Variants in DOCK7 observed in about 807,000 individuals in gnomAD.
DOCK7 encodes dedicator of cytokinesis 7, also known as dedicator of cytokinesis protein 7.
Under a neutral mutation model 271.0 loss-of-function variants are expected in DOCK7, and 138 were observed. That is an observed-to-expected ratio of 0.51 (90% confidence interval 0.44 to 0.59). The LOEUF (loss-of-function observed/expected upper bound fraction) is 0.59, where lower values mean the gene tolerates loss of function less well. Among genes scored for constraint, DOCK7 ranks in the 20% least tolerant of loss-of-function variants. The pLI is 0.00. For missense variants in DOCK7, 2,066 were observed against 2,592.4 expected (o/e 0.80, Z 4.41); for synonymous variants, 823 against 876.1 (o/e 0.94, Z 1.07).
intron 43 of DOCK7, chr1:62,485,514 C>T: frequency 1.0e-6 from 1 of 985,360 alleles, no homozygotes; most frequent in African/African-American, 1.7e-5. Context: ...CTACAATGCA[C>T]AGATTATCCT....
chr1:62,579,037 G>T (rs1571625338), intron 16 of DOCK7, 71 bp from the exon 17 acceptor site: 2 of 1,302,420 alleles, frequency 1.5e-6, no homozygotes, highest in South Asian at 2.2e-5. Flanking sequence ...TTGTATATTT[G>T]AATAATTTTA....
chr1:62,516,391 C>A (rs1391979968), intron 31 of DOCK7, among the ~76,000 whole-genome samples: 1 of 152,148 alleles, frequency 6.6e-6, no homozygotes, highest in East Asian at 1.9e-4. Flanking sequence ...ATTTGAGGGA[C>A]TATTTTCCCC....
intron 18 of DOCK7, among the ~76,000 whole-genome samples, chr1:62,575,774 A>C (rs1297949863): frequency 1.3e-5 from 2 of 152,178 alleles, no homozygotes; most frequent in African/African-American, 2.4e-5. Flanking sequence ...CCAAATTATC[A>C]CCATATTCTT....
chr1:62,557,421 A>G (rs965090961), intron 20 of DOCK7, among the ~76,000 whole-genome samples: 16 of 151,554 alleles, frequency 1.1e-4, no homozygotes, highest in African/African-American at 3.6e-4. Context: ...GCACATAAAC[A>G]TGCTAAAATG....
chr1:62,510,796 C>T, intron 33 of DOCK7, 123 bp from the exon 34 acceptor site: 1 of 681,104 alleles, frequency 1.5e-6, no homozygotes, highest in Non-Finnish European at 2.3e-6. Flanking sequence ...ATCCTCAGTA[C>T]AAGTTGAAAA....
intron 1 of DOCK7, among the ~76,000 whole-genome samples, chr1:62,682,109 C>T (rs969063595): frequency 8.0e-5 from 12 of 150,646 alleles, no homozygotes; most frequent in African/African-American, 2.9e-4. Context: ...TGTGGAGGTA[C>T]AGTGAAAACA....
intron 4 of DOCK7, among the ~76,000 whole-genome samples, chr1:62,650,257 A>AACTCT (rs1298145459): frequency 6.6e-6 from 1 of 152,134 alleles, no homozygotes; most frequent in African/African-American, 2.4e-5. Context: ...CTAGAATATA[A>AACTCT]ACTCCATGAG....
At position 62,539,630 on chromosome 1, in the gene DOCK7, G is replaced by A. The variant is rs755924053; in HGVS notation, c.3215C>T (p.Thr1072Ile). 1.2e-6 allele frequency: 2 copies of A among 1,613,838 alleles called. No individual in the cohort carries two copies. The highest frequency in any genetic ancestry group is 1.7e-6 in the Non-Finnish European group (2 of 1,179,892). Reference sequence around the variant, plus strand: ...ATCATTGAGAAAGAATGCAAGGCTTGTATTGAGTCTCTCAACCATTTCTGT... The same window carrying A: ...ATCATTGAGAAAGAATGCAAGGCTTATATTGAGTCTCTCAACCATTTCTGT... The part of the protein sequence containing the change: ...KDTEMVERLN[T>I]SLAFFLNDLL... The change falls in exon 27 of 50, where the codon ACA (threonine) becomes ATA (isoleucine). Residue 1072 changes from threonine to isoleucine, a missense_variant. Coordinates refer to ENST00000635253, the MANE Select transcript of DOCK7 (RefSeq NM_001367561.1).
intron 20 of DOCK7, among the ~76,000 whole-genome samples, chr1:62,557,580 G>C (rs886582681): frequency 2.8e-5 from 4 of 145,082 alleles, no homozygotes; most frequent in African/African-American, 7.7e-5. Context: ...TAAAATTACT[G>C]ATGTAATTTC....
intron 2 of DOCK7, among the ~76,000 whole-genome samples, chr1:62,654,486 T>C (rs17387962): frequency 0.035 from 5,401 of 152,272 alleles, 187 homozygotes; most frequent in Admixed American, 0.1. Context: ...TTTGCTTTTT[T>C]ATATCTTTGG....
rs1645949558 is a variant in DOCK7, at chr1:62,552,740, C to T, written c.2758G>A (p.Gly920Arg). ...SPDDEVRSII[G>R]SKGLDRSNSW... ...GCATGTCTTCAGTTTACCTTACTCC[C>T]GATGATTGATCGAACTTCATCATCT... The change falls in exon 22 of 50, where the codon GGG (glycine) becomes AGG (arginine). Residue 920 changes from glycine (G) to arginine (R), a missense_variant. Around this residue, in one of 2 missense-constraint regions of DOCK7, gnomAD observed 1,414 missense variants for 1,670.4 expected, o/e 0.85. Coordinates refer to ENST00000635253, the MANE Select transcript of DOCK7 (RefSeq NM_001367561.1). The T allele has an allele frequency of 8.1e-6, 13 of 1,610,408 alleles. No homozygotes were observed. The highest frequency in any genetic ancestry group is 1.1e-5 in the Non-Finnish European group (13 of 1,177,932).
intron 1 of DOCK7, among the ~76,000 whole-genome samples, chr1:62,671,452 C>T (rs1299615193): frequency 6.6e-6 from 1 of 152,128 alleles, no homozygotes; most frequent in Non-Finnish European, 1.5e-5. Context: ...GTTATATCCT[C>T]AAAGTCTAAG....
At chr1:62,623,666 T>C (rs940954480) in intron 12 of DOCK7, among the ~76,000 whole-genome samples, 2 of 152,242 alleles carry the variant, frequency 1.3e-5, no homozygotes, top group African/African-American at 2.4e-5. Context: ...TGCAAGGTTG[T>C]GTCACTGTAG....
chr1:62,456,249 T>C (rs1344828413), intron 49 of DOCK7, among the ~76,000 whole-genome samples: 1 of 152,336 alleles, frequency 6.6e-6, no homozygotes, highest in East Asian at 1.9e-4. Context: ...GGATCCCTAC[T>C]GCAAATATTC....
chr1:62,589,647 G>C (rs1266976958), intron 14 of DOCK7, among the ~76,000 whole-genome samples: 1 of 151,332 alleles, frequency 6.6e-6, no homozygotes, highest in Non-Finnish European at 1.5e-5. Flanking sequence ...AAAGTATCCA[G>C]ACTTCATACT....
chr1:62,515,435 C>T lies in DOCK7; in HGVS notation c.3937-1537G>A, dbSNP rs1330788215. 4.6e-5 allele frequency among the ~76,000 whole-genome samples: 7 copies of T among 152,274 alleles called. No individual in the cohort carries two copies. The South Asian group carries it at 6.2e-4, about 14-fold the overall frequency. The stretch of plus-strand genomic sequence containing the variant: ...TTTAAAGACAGACACTTTTTATAGC[C>T]GAACTTTCAGATATGCATAAATACA... On this transcript the variant is annotated intron_variant, in intron 31 of 49. Coordinates refer to ENST00000635253, the MANE Select transcript of DOCK7 (RefSeq NM_001367561.1).
At chr1:62,488,907 A>G in intron 42 of DOCK7, 27 bp downstream of exon 42, 1 of 1,613,170 alleles carries the variant, frequency 6.2e-7, no homozygotes, top group Non-Finnish European at 8.5e-7. Context: ...TTCCCTTTAT[A>G]GTGAAGCTAG....
At chr1:62,578,752 C>T in intron 17 of DOCK7, 76 bp downstream of exon 17, 2 of 1,038,198 alleles carry the variant, frequency 1.9e-6, no homozygotes, top group Non-Finnish European at 2.7e-6. Flanking sequence ...CACAAATGAC[C>T]AGAAATATCA....
rs2149588768 is a variant in DOCK7, at chr1:62,619,938, C to T, written c.1481G>A (p.Arg494Lys). ...TAGTCGCCGTAAGACAGAAGATGGC[C>T]TTCTCATATCAGCAAGGAATTTGTA... ...DLYKFLADMRRPSSVLRRLRP... is the reference protein window; with the variant it reads ...DLYKFLADMRKPSSVLRRLRP... The change falls in exon 13 of 50, where the codon AGG becomes AAG. Residue 494 changes from arginine (R) to lysine (K), a missense_variant. This residue lies in a region of DOCK7 where 1,414 missense variants were observed against 1,670.4 expected (regional missense o/e 0.85). Transcript: ENST00000635253. 5.0e-6 allele frequency: 8 copies of T among 1,613,654 alleles called. No homozygotes were observed. Among genetic ancestry groups the T allele is most frequent in the Non-Finnish European group, 6.8e-6 (8 of 1,179,800 alleles).
Sources: gnomAD v4.1 joint callset for allele counts (sites outside exome capture counted in the v4.1 genomes callset) on GRCh38, gnomAD v4.1.1 for gene constraint, gnomAD v4.1.1 regional missense constraint, MANE v1.5 for transcripts, NCBI Gene and HGNC (gene_info 2026-07-23, HGNC 2026-07-21) for gene names.